PIWIL1: variants seen among roughly 807,000 people sequenced by gnomAD.
PIWIL1 encodes piwi like RNA-mediated gene silencing 1.
In PIWIL1, 73 loss-of-function variants were observed where a neutral mutation model predicts 114.4. The observed-to-expected ratio is 0.64, with a 90% CI of 0.53 to 0.78. The LOEUF is 0.78. PIWIL1 is among the 30% of genes least tolerant of loss of function. The pLI is 0.00. For missense variants in PIWIL1, 723 were observed against 1,063.1 expected (o/e 0.68, Z 4.45); for synonymous variants, 375 against 369.0 (o/e 1.02, Z -0.19).
chr12:130,390,670 CTT>C, the PIWIL1 span, among the ~76,000 whole-genome samples: 2 of 152,220 alleles, frequency 1.3e-5, no homozygotes, highest in East Asian at 1.9e-4. Flanking sequence ...GATCTCATGT[CTT>C]GTTTCCTACC....
chr12:130,410,054 C>T, the PIWIL1 span, among the ~76,000 whole-genome samples: 4 of 152,228 alleles, frequency 2.6e-5, no homozygotes, highest in Admixed American at 1.3e-4. Flanking sequence ...CCCACACCTG[C>T]GACGGCCAGC....
At chr12:130,416,230 A>G in the PIWIL1 span, among the ~76,000 whole-genome samples, 1 of 152,214 alleles carries the variant, frequency 6.6e-6, no homozygotes, top group Non-Finnish European at 1.5e-5. Context: ...ACTACTCTAA[A>G]ATTCATATGG....
the PIWIL1 span, chr12:130,422,434 C>T: frequency 1.9e-5 from 30 of 1,553,956 alleles, no homozygotes; most frequent in South Asian, 1.2e-4. The surrounding 1 kb of genome is among the most constrained non-coding windows in gnomAD (Gnocchi z 5.2). Flanking sequence ...GACACAACAG[C>T]GATGATGGGG....
chr12:130,345,608 C>G, intron 3 of PIWIL1, 145 bp from the exon 4 acceptor site: 2 of 808,688 alleles, frequency 2.5e-6, no homozygotes, highest in Non-Finnish European at 3.9e-6. Context: ...TGGCAGATAC[C>G]TAAAACATGT....
the PIWIL1 span, among the ~76,000 whole-genome samples, chr12:130,404,994 G>A: frequency 1.3e-5 from 2 of 151,982 alleles, no homozygotes; most frequent in Non-Finnish European, 2.9e-5. Context: ...TAGTAAATGT[G>A]TTGAGACATT....
chr12:130,377,074 C>T (rs2073872767), downstream of PIWIL1, among the ~76,000 whole-genome samples: 1 of 152,208 alleles, frequency 6.6e-6, no homozygotes, highest in South Asian at 2.1e-4. Context: ...TACCCTTCGC[C>T]TCTCCTCCCC....
At chr12:130,406,072 G>T in the PIWIL1 span, 1 of 758,012 alleles carries the variant, frequency 1.3e-6, no homozygotes, top group Non-Finnish European at 2.3e-6. Flanking sequence ...TGACGTTCAT[G>T]CCCAATTTTA....
the PIWIL1 span, among the ~76,000 whole-genome samples, chr12:130,384,352 A>G: frequency 6.6e-6 from 1 of 152,220 alleles, no homozygotes; most frequent in Non-Finnish European, 1.5e-5. Context: ...CAGTTTGTCC[A>G]GGTTTTAAGA....
chr12:130,398,325 C>T, the PIWIL1 span: 3 of 152,346 alleles, frequency 2.0e-5, no homozygotes. Context: ...TCCAGAGCAA[C>T]TCTTGCCATG....
the PIWIL1 span, chr12:130,399,632 A>G: frequency 1.2e-6 from 2 of 1,605,852 alleles, no homozygotes; most frequent in Non-Finnish European, 1.7e-6. Context: ...TAGACCACAT[A>G]TGGCAGAACG....
At chr12:130,363,459 G>A (rs78009707) in intron 18 of PIWIL1, among the ~76,000 whole-genome samples, 2,437 of 152,100 alleles carry the variant, frequency 0.016, 63 homozygotes, top group African/African-American at 0.057. Context: ...ATCCAAAGGC[G>A]TCCACAGGAT....
At chr12:130,415,982 A>G in the PIWIL1 span, among the ~76,000 whole-genome samples, 4 of 125,602 alleles carry the variant, frequency 3.2e-5, no homozygotes, top group African/African-American at 1.3e-4. Context: ...CACACACAAA[A>G]TATACAGAAT....
the PIWIL1 span, chr12:130,399,643 G>A: frequency 6.2e-7 from 1 of 1,611,668 alleles, no homozygotes; most frequent in South Asian, 1.1e-5. Flanking sequence ...TGGCAGAACG[G>A]GACAGAGATT....
chr12:130,395,994 T>C, the PIWIL1 span: 1 of 129,994 alleles, frequency 7.7e-6, no homozygotes, highest in Non-Finnish European at 1.6e-5. Flanking sequence ...TCCCAAAACA[T>C]AGACCAAAAT....
chr12:130,355,356 A>G (rs2073335964), intron 11 of PIWIL1, among the ~76,000 whole-genome samples, 197 bp from the exon 12 acceptor site: 2 of 152,228 alleles, frequency 1.3e-5, no homozygotes, highest in Admixed American at 1.3e-4. Flanking sequence ...ATTTTAAGTT[A>G]AAGAATGTCA....
Position 130,371,814 on chromosome 12 carries a change from G to T in PIWIL1, c.*216G>T. ...ATATTTTATCTTCTTGTTTCTCATA[G>T]ATATTTTGTGAGCATTTTTTTGTTT... is the stretch of plus-strand genomic sequence containing the variant. On this transcript the variant is annotated 3_prime_UTR_variant, in exon 21 of 21. Transcript: ENST00000245255. 3.2e-6 allele frequency: 1 copy of T among 316,056 alleles called. No homozygotes were observed. Among genetic ancestry groups the T allele is most frequent in the South Asian group, 6.4e-5 (1 of 15,570 alleles). 19.6% of individuals were successfully genotyped at this position (316,056 alleles called of 1,614,324 possible).
intron 1 of PIWIL1, among the ~76,000 whole-genome samples, chr12:130,339,202 C>CG (rs2072825131): frequency 6.6e-6 from 1 of 151,968 alleles, no homozygotes; most frequent in Admixed American, 6.5e-5. Context: ...CTGCGAGGCC[C>CG]GGGGGTCCTC....
At position 130,345,740 on chromosome 12, in the gene PIWIL1, A is replaced by C; in HGVS notation, c.191-13A>C. ...GTGCTTTATGTTGCTCAAGTACACA[A>C]TTTTTTTTTAAGGACTCCAGATATC... On this transcript the variant is annotated splice_polypyrimidine_tract_variant and intron_variant, in intron 3 of 20. Transcript: ENST00000245255. 6 of 1,565,946 alleles carry C rather than the reference A, an allele frequency of 3.8e-6. No homozygotes were observed. The highest frequency in any genetic ancestry group is 4.4e-6 in the Non-Finnish European group (5 of 1,144,098).
the PIWIL1 span, chr12:130,422,534 G>A: frequency 1.7e-4 from 274 of 1,611,032 alleles, no homozygotes; most frequent in Admixed American, 7.4e-4. The surrounding 1 kb of genome is among the most constrained non-coding windows in gnomAD (Gnocchi z 5.2). Context: ...TGATCCACCC[G>A]TCCTGCAGAG....
Sources: allele counts gnomAD v4.1 joint callset (sites outside exome capture counted in the v4.1 genomes callset), GRCh38; gene constraint gnomAD v4.1.1; non-coding constraint Gnocchi (gnomAD v3.1); transcripts MANE v1.5; gene names NCBI Gene and HGNC (gene_info 2026-07-23, HGNC 2026-07-21).